The following ZNF804B variants were observed in gnomAD, a reference collection of about 807,000 sequenced individuals.
ZNF804B encodes the protein zinc finger protein 804B, also known as zinc finger 804B.
A neutral mutation model predicts 101.4 loss-of-function variants in ZNF804B; 80 were observed. That is an observed-to-expected ratio of 0.79 (90% confidence interval 0.66 to 0.95). ZNF804B has a LOEUF of 0.95. Among genes scored for constraint, ZNF804B ranks in the 40% least tolerant of loss-of-function variants. The pLI, the probability that ZNF804B is intolerant of heterozygous loss-of-function variation, is 0.00. For synonymous variants in ZNF804B, 622 were observed against 558.8 expected (o/e 1.11, Z -1.59); for missense variants, 1,673 against 1,561.9 (o/e 1.07, Z -1.20).
intron 1 of ZNF804B, among the ~76,000 whole-genome samples, chr7:88,985,937 C>A (rs1793754281): frequency 6.6e-6 from 1 of 151,992 alleles, no homozygotes; most frequent in Non-Finnish European, 1.5e-5. Context: ...TAATAGGAAC[C>A]AATAAACTCT....
At chr7:88,765,635 A>T (rs2115616997) in intron 1 of ZNF804B, among the ~76,000 whole-genome samples, 1 of 152,294 alleles carries the variant, frequency 6.6e-6, no homozygotes, top group East Asian at 1.9e-4. Flanking sequence ...ATTTGAATAA[A>T]AATTGAAATA....
chr7:88,934,814 CTG>C (rs1792942295), intron 1 of ZNF804B, among the ~76,000 whole-genome samples: 1 of 151,684 alleles, frequency 6.6e-6, no homozygotes, highest in Non-Finnish European at 1.5e-5. Flanking sequence ...ATGAAAAACA[CTG>C]TGACAATTCC....
chr7:89,176,587 C>CTTTTTTTTTTTTTTTTTTTTTTT (rs142696289), intron 1 of ZNF804B, among the ~76,000 whole-genome samples: 14 of 53,974 alleles, frequency 2.6e-4, no homozygotes, highest in African/African-American at 3.9e-4. Flanking sequence ...TTCTTTCTTT[C>CTTTTTTTTTTTTTTTTTTTTTTT]TTTCTTTTTT....
chr7:88,801,595 C>G (rs1377831558), intron 1 of ZNF804B, among the ~76,000 whole-genome samples: 2 of 152,014 alleles, frequency 1.3e-5, no homozygotes, highest in African/African-American at 4.8e-5. Context: ...AAATGTAAAT[C>G]ATAAGCTTAA....
intron 1 of ZNF804B, among the ~76,000 whole-genome samples, chr7:88,873,372 C>G (rs151338091): frequency 0.028 from 4,315 of 152,222 alleles, 216 homozygotes; most frequent in African/African-American, 0.098. Flanking sequence ...GATATTAGCC[C>G]TTTGTCAGAT....
At chr7:88,876,932 A>G (rs558122526) in intron 1 of ZNF804B, among the ~76,000 whole-genome samples, 1 of 145,774 alleles carries the variant, frequency 6.9e-6, no homozygotes, top group Admixed American at 6.9e-5. Flanking sequence ...AAAGACAAAC[A>G]TCACAATGAG....
chr7:88,782,730 G>A (rs1180573522), intron 1 of ZNF804B, among the ~76,000 whole-genome samples: 1 of 152,156 alleles, frequency 6.6e-6, no homozygotes, highest in Non-Finnish European at 1.5e-5. Context: ...AAGGTAGTGT[G>A]AGAAATAAGA....
In ZNF804B at chr7:89,333,620, C is replaced by A. The variant is rs746882193; in HGVS notation, c.638C>A (p.Ala213Glu). Residue 213 changes from alanine (A) to glutamate (E), a missense_variant, in exon 4 of 4, where the codon GCA becomes GAA. Transcript: ENST00000333190. ...CAAACATCTTCAGATCTCAGCAATG[C>A]AAATCACAGAACAGGAGTATCATTT... ...VLQTSSDLSN[A>E]NHRTGVSFTF... is the part of the protein sequence containing the mutation. 1 of 1,613,558 alleles carries A rather than the reference C, an allele frequency of 6.2e-7. No homozygotes were observed. Among genetic ancestry groups the A allele is most frequent in the South Asian group, 1.1e-5 (1 of 91,072 alleles).
chr7:88,934,363 C>T (rs886067392), intron 1 of ZNF804B, among the ~76,000 whole-genome samples: 9 of 151,828 alleles, frequency 5.9e-5, no homozygotes, highest in Non-Finnish European at 1.0e-4. Context: ...CCTAAGACTC[C>T]AAAAGCAAAT....
intron 1 of ZNF804B, among the ~76,000 whole-genome samples, chr7:89,174,304 T>C (rs1791285424): frequency 6.6e-6 from 1 of 152,074 alleles, no homozygotes. Flanking sequence ...CTGAGTTTAA[T>C]TGTTTTAATT....
intron 1 of ZNF804B, among the ~76,000 whole-genome samples, chr7:89,181,257 C>T (rs1259469847): frequency 1.3e-5 from 2 of 152,064 alleles, no homozygotes; most frequent in Admixed American, 1.3e-4. Flanking sequence ...AGCATGGCAC[C>T]AGGACTTGCC....
chr7:89,134,899 A>T (rs1790606609), intron 1 of ZNF804B, among the ~76,000 whole-genome samples: 1 of 152,026 alleles, frequency 6.6e-6, no homozygotes, highest in South Asian at 2.1e-4. Context: ...CTGGCTAATA[A>T]TTAGGAAAGG....
intron 1 of ZNF804B, among the ~76,000 whole-genome samples, chr7:89,180,472 A>T (rs1289273325): frequency 6.6e-6 from 1 of 152,028 alleles, no homozygotes; most frequent in Non-Finnish European, 1.5e-5. Context: ...CTGAATCCTG[A>T]TAATGCATAT....
intron 1 of ZNF804B, among the ~76,000 whole-genome samples, chr7:88,784,936 G>A (rs549313459): frequency 8.6e-5 from 13 of 151,746 alleles, no homozygotes; most frequent in African/African-American, 2.4e-4. Flanking sequence ...TTTATTTTCC[G>A]TAGGCATTTC....
At position 88,771,187 on chromosome 7, in the gene ZNF804B, T is replaced by G. The variant is rs187580480; in HGVS notation, c.108+11103T>G. Among the ~76,000 whole-genome samples the G allele has an allele frequency of 1.9e-3, 294 of 152,188 alleles. 1 individual carries two copies. The highest frequency in any genetic ancestry group is 6.8e-3 in the African/African-American group (283 of 41,542). ...GATATTTTAAGGCTTTCTCTTTTGG[T>G]TTTTTACTCTTCTGCTTACAGATTT... On this transcript the variant is annotated intron_variant, in intron 1 of 3. Transcript: ENST00000333190.
At chr7:89,211,789 C>A (rs1265278764) in intron 1 of ZNF804B, among the ~76,000 whole-genome samples, 1 of 152,134 alleles carries the variant, frequency 6.6e-6, no homozygotes, top group African/African-American at 2.4e-5. Flanking sequence ...ATGACTCCAG[C>A]TTTGTTCTTT....
At chr7:88,850,147 C>T (rs78675854) in intron 1 of ZNF804B, among the ~76,000 whole-genome samples, 2,014 of 152,124 alleles carry the variant, frequency 0.013, 45 homozygotes, top group African/African-American at 0.046. Context: ...AGACATTTTA[C>T]GTTAGGCAAA....
intron 2 of ZNF804B, among the ~76,000 whole-genome samples, chr7:89,255,576 A>C (rs1239618307): frequency 6.6e-6 from 1 of 152,174 alleles, no homozygotes; most frequent in East Asian, 1.9e-4. Context: ...CAATAAAATA[A>C]AATTGGACTC....
chr7:88,869,330 C>A (rs1188677984), intron 1 of ZNF804B, among the ~76,000 whole-genome samples: 1 of 152,082 alleles, frequency 6.6e-6, no homozygotes, highest in African/African-American at 2.4e-5. Context: ...TACCTTGGGG[C>A]CCATCTATCA....
Sources: allele counts gnomAD v4.1 joint callset (sites outside exome capture counted in the v4.1 genomes callset), GRCh38; gene constraint gnomAD v4.1.1; transcripts MANE v1.5; gene names NCBI Gene and HGNC (gene_info 2026-07-23, HGNC 2026-07-21).